LPP: variants seen among roughly 807,000 people sequenced by gnomAD.
The protein encoded by LPP is LIM domain containing preferred translocation partner in lipoma, also known as lipoma-preferred partner.
LPP carries 38 observed loss-of-function variants against 60.4 expected under a neutral mutation model. That is an observed-to-expected ratio of 0.63 (90% confidence interval 0.49 to 0.83). The LOEUF is 0.83. LPP is among the 40% of genes least tolerant of loss of function. The pLI, the probability that LPP is intolerant of heterozygous loss-of-function variation, is 0.00. For synonymous variants in LPP, 328 were observed against 290.8 expected (o/e 1.13, Z -1.30); for missense variants, 902 against 783.6 (o/e 1.15, Z -1.80).
intron 9 of LPP, among the ~76,000 whole-genome samples, chr3:188,800,250 T>TTC (rs1746672161): frequency 7.0e-6 from 1 of 142,366 alleles, no homozygotes; most frequent in African/African-American, 2.6e-5. Context: ...AGCTTTCTTT[T>TTC]TTTTTTTTTT....
chr3:188,754,538 C>T (rs928848674), intron 8 of LPP, among the ~76,000 whole-genome samples: 13 of 152,154 alleles, frequency 8.5e-5, no homozygotes, highest in African/African-American at 3.1e-4. Flanking sequence ...ACCCCCAGAA[C>T]ACTGAGTTTG....
chr3:188,326,756 G>A (rs1474318584), intron 2 of LPP, among the ~76,000 whole-genome samples: 1 of 152,126 alleles, frequency 6.6e-6, no homozygotes, highest in Non-Finnish European at 1.5e-5. Context: ...GTACCTGTCT[G>A]TTCTTCAGAA....
intron 2 of LPP, among the ~76,000 whole-genome samples, chr3:188,319,312 A>G (rs73050994): frequency 0.091 from 13,781 of 152,222 alleles, 1,854 homozygotes; most frequent in African/African-American, 0.29. Flanking sequence ...GTCCAAATAC[A>G]GAATAAAAAT....
At chr3:188,514,758 T>A (rs556652473) in intron 5 of LPP, among the ~76,000 whole-genome samples, 34 of 152,290 alleles carry the variant, frequency 2.2e-4, no homozygotes, top group Middle Eastern at 3.4e-3. Context: ...TTGTTACATG[T>A]TTTTCAGTCC....
intron 3 of LPP, among the ~76,000 whole-genome samples, chr3:188,373,350 A>G (rs1172938112): frequency 2.0e-5 from 3 of 152,212 alleles, no homozygotes; most frequent in African/African-American, 7.2e-5. Context: ...CTATTTCTCC[A>G]CATCTTCTCC....
intron 1 of LPP, among the ~76,000 whole-genome samples, chr3:188,184,148 A>G (rs1725895101): frequency 6.6e-6 from 1 of 152,134 alleles, no homozygotes; most frequent in Non-Finnish European, 1.5e-5. Context: ...TTTGTTTGGA[A>G]GATTCTGTCA....
chr3:188,844,930 C>T (rs893294644), intron 9 of LPP, among the ~76,000 whole-genome samples: 5 of 152,106 alleles, frequency 3.3e-5, no homozygotes, highest in Non-Finnish European at 7.4e-5. Context: ...AATGAAGGTG[C>T]CAATGCAATT....
At chr3:188,822,221 C>T (rs1479723954) in intron 9 of LPP, among the ~76,000 whole-genome samples, 1 of 151,966 alleles carries the variant, frequency 6.6e-6, no homozygotes, top group Non-Finnish European at 1.5e-5. Context: ...GATGACGGGG[C>T]TCTTTGAAGT....
intron 2 of LPP, among the ~76,000 whole-genome samples, chr3:188,284,496 A>G (rs1743245623): frequency 6.6e-6 from 1 of 152,074 alleles, no homozygotes; most frequent in Non-Finnish European, 1.5e-5. Context: ...CTGGGTCTGG[A>G]GACACTTTCT....
intron 6 of LPP, among the ~76,000 whole-genome samples, chr3:188,526,011 T>G (rs1165579159): frequency 3.3e-5 from 5 of 152,218 alleles, no homozygotes; most frequent in Non-Finnish European, 5.9e-5. Context: ...GAAAGGGTTG[T>G]GGCAAATCTG....
intron 7 of LPP, among the ~76,000 whole-genome samples, chr3:188,648,820 T>G (rs1430900498): frequency 6.6e-6 from 1 of 152,220 alleles, no homozygotes; most frequent in Non-Finnish European, 1.5e-5. Context: ...CCCCTTTCTA[T>G]TTTATTGTTG....
At chr3:188,631,264 T>C (rs1337357864) in intron 7 of LPP, among the ~76,000 whole-genome samples, 1 of 152,238 alleles carries the variant, frequency 6.6e-6, no homozygotes, top group Non-Finnish European at 1.5e-5. Context: ...TTTATTATTA[T>C]AGTTTTTAAA....
At chr3:188,613,007 T>C (rs1217367391) in intron 7 of LPP, among the ~76,000 whole-genome samples, 3 of 152,162 alleles carry the variant, frequency 2.0e-5, no homozygotes, top group Non-Finnish European at 1.5e-5. Context: ...GTTCCCATAA[T>C]GTGCTAAGCA....
At chr3:188,334,671 C>T (rs4619779) in intron 2 of LPP, among the ~76,000 whole-genome samples, 16,225 of 151,990 alleles carry the variant, frequency 0.11, 1,394 homozygotes, top group East Asian at 0.31. Context: ...CCTCGTGATC[C>T]GCCCACCTTG....
chr3:188,826,031 G>T (rs902623730), intron 9 of LPP, among the ~76,000 whole-genome samples: 1 of 151,994 alleles, frequency 6.6e-6, no homozygotes, highest in Non-Finnish European at 1.5e-5. Flanking sequence ...CTCTCACCCT[G>T]CCCTCCCATG....
chr3:188,719,191 TCCTCCA>T (rs534584529), intron 8 of LPP, among the ~76,000 whole-genome samples: 53 of 152,230 alleles, frequency 3.5e-4, no homozygotes, highest in Admixed American at 9.2e-4. Flanking sequence ...GGGTCACATT[TCCTCCA>T]CCTGTAGGTT....
Position 188,394,718 on chromosome 3 carries a change from C to T in LPP, c.-9-11394C>T, listed in dbSNP as rs531988746. Among the ~76,000 whole-genome samples, 6 of 152,146 alleles carry T rather than the reference C, an allele frequency of 3.9e-5. No individual in the cohort carries two copies. The East Asian group carries it at 1.2e-3, about 29-fold the overall frequency. ...ACAACAGTTCTCTCATCAAGGGAAA[C>T]TTAAAAGGGATAATGTCCATAGATG... On this transcript the variant is annotated intron_variant, in intron 3 of 11. Coordinates refer to ENST00000617246, the MANE Select transcript of LPP (RefSeq NM_001375462.1).
At chr3:188,764,606 G>A (rs1229720050) in intron 9 of LPP, among the ~76,000 whole-genome samples, 4 of 152,166 alleles carry the variant, frequency 2.6e-5, no homozygotes, top group African/African-American at 9.7e-5. Context: ...ATGAAGGGCA[G>A]CAACAGTGCC....
At chr3:188,755,966 C>T (rs987336822) in intron 8 of LPP, among the ~76,000 whole-genome samples, 6 of 151,318 alleles carry the variant, frequency 4.0e-5, no homozygotes, top group Admixed American at 2.0e-4. Context: ...CCAAAAATGA[C>T]TTGTTAAAAT....
Sources: gnomAD v4.1 joint callset for allele counts (sites outside exome capture counted in the v4.1 genomes callset) on GRCh38, gnomAD v4.1.1 for gene constraint, MANE v1.5 for transcripts, NCBI Gene and HGNC (gene_info 2026-07-23, HGNC 2026-07-21) for gene names.